SCAPER: variants seen among roughly 807,000 people sequenced by gnomAD.
SCAPER encodes S-phase cyclin A associated protein in the ER.
A neutral mutation model predicts 182.2 loss-of-function variants in SCAPER; 98 were observed. The observed-to-expected ratio is 0.54, with a 90% CI of 0.46 to 0.64. The LOEUF (loss-of-function observed/expected upper bound fraction) is 0.64. Among genes scored for constraint, SCAPER ranks in the 30% least tolerant of loss-of-function variants. The pLI, the probability that SCAPER is intolerant of heterozygous loss-of-function variation, is 0.00. For synonymous variants in SCAPER, 605 were observed against 564.6 expected, an observed-to-expected ratio of 1.07 and a Z score of -1.01; for missense variants, 1,432 against 1,690.0, an observed-to-expected ratio of 0.85 and a Z score of 2.68.
chr15:76,513,043 T>C (rs1229757492), intron 23 of SCAPER, among the ~76,000 whole-genome samples: 1 of 152,116 alleles, frequency 6.6e-6, no homozygotes, highest in Non-Finnish European at 1.5e-5. Context: ...CTCAGTATCA[T>C]CCTAAGTTCT....
At chr15:76,558,227 A>G (rs1055997694) in intron 23 of SCAPER, among the ~76,000 whole-genome samples, 1 of 152,208 alleles carries the variant, frequency 6.6e-6, no homozygotes, top group Non-Finnish European at 1.5e-5. Context: ...ACAGAATGGG[A>G]GATAATATTT....
chr15:76,504,764 A>G (rs1035880677), intron 24 of SCAPER, 95 bp downstream of exon 24: 21 of 978,172 alleles, frequency 2.1e-5, no homozygotes, highest in Non-Finnish European at 3.1e-5. Flanking sequence ...CCCTGAATAC[A>G]CATACAATTT....
At chr15:76,541,436 C>T (rs1489732712) in intron 23 of SCAPER, among the ~76,000 whole-genome samples, 1 of 152,126 alleles carries the variant, frequency 6.6e-6, no homozygotes, top group Non-Finnish European at 1.5e-5. Context: ...CTTCCCCCCA[C>T]ACGATGGTAT....
At chr15:76,766,189 C>T (rs1321994015) in intron 11 of SCAPER, among the ~76,000 whole-genome samples, 8 of 152,042 alleles carry the variant, frequency 5.3e-5, no homozygotes, top group East Asian at 1.9e-4. Context: ...CTCCGCCTCC[C>T]GGGTTCAAAC....
At chr15:76,737,589 A>G (rs1331288563) in intron 15 of SCAPER, among the ~76,000 whole-genome samples, 1 of 152,246 alleles carries the variant, frequency 6.6e-6, no homozygotes, top group Non-Finnish European at 1.5e-5. Context: ...TTAGCTCCTA[A>G]TAAGTGAGTC....
At chr15:76,894,442 GA>G (rs958189560) in intron 1 of SCAPER, among the ~76,000 whole-genome samples, 8 of 151,372 alleles carry the variant, frequency 5.3e-5, no homozygotes, top group African/African-American at 1.7e-4. Context: ...TCTATGAAAA[GA>G]AAAAAAGAGA....
At chr15:76,791,308 T>G (rs1375386008) in intron 8 of SCAPER, among the ~76,000 whole-genome samples, 1 of 152,162 alleles carries the variant, frequency 6.6e-6, no homozygotes, top group African/African-American at 2.4e-5. Flanking sequence ...GCCCTCTTCC[T>G]GCCAAAAACA....
chr15:76,611,424 T>C (rs557287339), intron 22 of SCAPER, among the ~76,000 whole-genome samples: 3 of 152,016 alleles, frequency 2.0e-5, no homozygotes, highest in Non-Finnish European at 4.4e-5. Flanking sequence ...AGTTCTGAAA[T>C]TGAGGCAGTA....
chr15:76,426,310 G>A (rs1012370796), intron 26 of SCAPER, among the ~76,000 whole-genome samples: 1 of 152,140 alleles, frequency 6.6e-6, no homozygotes, highest in Admixed American at 6.5e-5. Context: ...CAGCAATGGC[G>A]GGCACCCCTC....
intron 23 of SCAPER, among the ~76,000 whole-genome samples, chr15:76,544,092 A>G (rs113793518): frequency 2.0e-5 from 3 of 152,230 alleles, no homozygotes; most frequent in African/African-American, 7.2e-5. Context: ...ACTCAATATC[A>G]TTAGTCATTA....
chr15:76,876,097 C>A (rs1277775982), intron 2 of SCAPER, among the ~76,000 whole-genome samples: 1 of 152,228 alleles, frequency 6.6e-6, no homozygotes, highest in East Asian at 1.9e-4. Flanking sequence ...CTGCCCGGGG[C>A]CACTCCGAGT....
chr15:76,480,896 A>AC (rs2051069605), intron 24 of SCAPER, among the ~76,000 whole-genome samples: 1 of 151,970 alleles, frequency 6.6e-6, no homozygotes, highest in Non-Finnish European at 1.5e-5. Flanking sequence ...ATGCCTGGCT[A>AC]ATTTTTTTGT....
At chr15:76,891,473 C>T (rs1172815418) in intron 1 of SCAPER, among the ~76,000 whole-genome samples, 1 of 152,202 alleles carries the variant, frequency 6.6e-6, no homozygotes, top group African/African-American at 2.4e-5. Flanking sequence ...TCAGTAACGT[C>T]TCAGGATATA....
intron 3 of SCAPER, among the ~76,000 whole-genome samples, chr15:76,858,812 T>A (rs951569844): frequency 2.3e-5 from 3 of 133,152 alleles, no homozygotes; most frequent in African/African-American, 8.3e-5. Context: ...TCATTCTTTT[T>A]ATGGCTACGT....
intron 3 of SCAPER, among the ~76,000 whole-genome samples, chr15:76,859,884 G>C (rs1404999331): frequency 6.6e-6 from 1 of 151,946 alleles, no homozygotes; most frequent in African/African-American, 2.4e-5. Flanking sequence ...CCCGCTAATT[G>C]TTTTGTATTT....
chr15:76,683,676 T>A (rs1362568192), intron 20 of SCAPER, among the ~76,000 whole-genome samples: 1 of 151,598 alleles, frequency 6.6e-6, no homozygotes. Flanking sequence ...CACAGATCAC[T>A]TACAAAAGGA....
intron 25 of SCAPER, among the ~76,000 whole-genome samples, chr15:76,459,540 A>AG (rs2048993374): frequency 1.9e-5 from 1 of 52,170 alleles, no homozygotes; most frequent in African/African-American, 6.9e-5. Context: ...TGGAATTATT[A>AG]GGGTTTTTTT....
At chr15:76,491,931 T>C (rs1187324962) in intron 24 of SCAPER, among the ~76,000 whole-genome samples, 1 of 152,120 alleles carries the variant, frequency 6.6e-6, no homozygotes, top group East Asian at 1.9e-4. Context: ...CGTGCCTGGC[T>C]TGTTTTGTTT....
At chr15:76,766,724 G>T (rs2063137613) in intron 11 of SCAPER, among the ~76,000 whole-genome samples, 194 bp downstream of exon 11, 1 of 152,116 alleles carries the variant, frequency 6.6e-6, no homozygotes, top group Non-Finnish European at 1.5e-5. Flanking sequence ...ATGGTAAAGT[G>T]CTAACAAAAG....
Sources: allele counts gnomAD v4.1 joint callset (sites outside exome capture counted in the v4.1 genomes callset), GRCh38; gene constraint gnomAD v4.1.1; transcripts MANE v1.5; gene names NCBI Gene and HGNC (gene_info 2026-07-23, HGNC 2026-07-21).